RASIP1: variants seen among roughly 807,000 people sequenced by gnomAD.
The protein encoded by RASIP1 is Ras interacting protein 1, also known as ras-interacting protein 1.
A neutral mutation model predicts 85.3 loss-of-function variants in RASIP1; 20 were observed. The ratio of observed to expected loss-of-function variants is 0.23; its 90% CI spans 0.17 to 0.34. The LOEUF is 0.34. RASIP1 is among the 10% of genes least tolerant of loss of function. RASIP1 has a pLI of 1.00. For missense variants in RASIP1, 1,170 were observed against 1,390.9 expected, an observed-to-expected ratio of 0.84 and a Z score of 2.53; for synonymous variants, 617 against 647.1, an observed-to-expected ratio of 0.95 and a Z score of 0.71.
intron 11 of RASIP1, among the ~76,000 whole-genome samples, chr19:48,721,198 G>A (rs1377965707): frequency 6.6e-6 from 1 of 152,176 alleles, no homozygotes; most frequent in African/African-American, 2.4e-5. Flanking sequence ...GAAGGCCACC[G>A]TTGCCTGGGA....
intron 10 of RASIP1, among the ~76,000 whole-genome samples, chr19:48,723,757 T>A (rs1161936988): frequency 6.6e-6 from 1 of 151,120 alleles, no homozygotes; most frequent in Non-Finnish European, 1.5e-5. Context: ...CTTTGTCTCA[T>A]ACCACACTTT....
At position 48,720,996 on chromosome 19, in the gene RASIP1, C is replaced by T. The variant is rs2122403838; in HGVS notation, c.2694G>A (p.Gly898=). The stretch of plus-strand genomic sequence containing the variant: ...GCGAGGAGAAGCTTTCGAAGATGTC[C>T]CCTGTGAGGCCGAAGGCGGCGCGGT... ...PPAEREAVDT[G]DIFESFSSHP... The change falls in exon 12 of 12, where the codon GGG becomes GGA. Residue 898 remains glycine, a splice_region_variant and synonymous_variant. Coordinates refer to ENST00000222145, the MANE Select transcript of RASIP1 (RefSeq NM_017805.3). 1 of 1,592,708 alleles carries T rather than the reference C, an allele frequency of 6.3e-7. No homozygotes were observed.
chr19:48,734,636 C>T (rs1449186335), intron 4 of RASIP1, among the ~76,000 whole-genome samples: 2 of 152,024 alleles, frequency 1.3e-5, no homozygotes, highest in Admixed American at 6.6e-5. Context: ...TACAGGCGTG[C>T]GCCACCACAC....
chr19:48,740,535 G>T lies in RASIP1; in HGVS notation c.-19C>A. ...CTGGCTCTTACCCTGCTTCGGGTCC[G>T]GCACACCCGGAGGCCCTGGCTCCAC... On this transcript the variant is annotated 5_prime_UTR_variant, in exon 1 of 12. Coordinates refer to ENST00000222145, the MANE Select transcript of RASIP1 (RefSeq NM_017805.3). This position sits in a 1 kb window ranked among gnomAD's most constrained non-coding sequence, Gnocchi z 5.5. The T allele has an allele frequency of 7.2e-7, 1 of 1,386,366 alleles. No individual in the cohort carries two copies. The highest frequency in any genetic ancestry group is 9.3e-7 in the Non-Finnish European group (1 of 1,076,906). The allele number at this position is 1,386,366 out of a possible 1,614,324, so 85.9% of individuals were successfully genotyped here.
At chr19:48,732,511 C>T (rs1053221422) in intron 4 of RASIP1, among the ~76,000 whole-genome samples, 6 of 152,064 alleles carry the variant, frequency 3.9e-5, no homozygotes, top group African/African-American at 1.2e-4. Flanking sequence ...GCCTCAGCCT[C>T]CCAAAGTGCT....
rs74591809 is a variant in RASIP1 at position 48,737,434 on chromosome 19, G to C, written c.823+1526C>G. ...TGCCAGGCGCGGTCCACCACCAGCT[G>C]TTTGACCATTGACTCTACCTTCTGT... is the stretch of plus-strand genomic sequence containing the variant. On this transcript the variant is annotated intron_variant, in intron 3 of 11. Coordinates refer to ENST00000222145, the MANE Select transcript of RASIP1 (RefSeq NM_017805.3). 5,538 of 984,576 alleles carry C rather than the reference G, an allele frequency of 5.6e-3. 231 individuals are homozygous for C. In the African/African-American group the frequency reaches 0.091, roughly 16 times the overall value. The allele number at this position is 984,576 out of a possible 1,614,324, so 61.0% of individuals were successfully genotyped here.
rs934819262 is a variant in RASIP1, at chr19:48,739,794, G to A, written c.138-149C>T. On this transcript the variant is annotated intron_variant, in intron 2 of 11. Transcript: ENST00000222145. This position sits in a 1 kb window ranked among gnomAD's most constrained non-coding sequence, Gnocchi z 9.2. ...GGATGGACGGGGCGGGGGTGAGGGT[G>A]GGGACAGACGCGAGGCAAAGAGAGA... is the stretch of plus-strand genomic sequence containing the variant. The A allele has an allele frequency of 1.4e-6, 1 of 690,120 alleles. No homozygotes were observed. Among genetic ancestry groups the A allele is most frequent in the Non-Finnish European group, 2.2e-6 (1 of 464,084 alleles). The allele number at this position is 690,120 out of a possible 1,614,324, so 42.7% of individuals were successfully genotyped here.
intron 4 of RASIP1, among the ~76,000 whole-genome samples, chr19:48,733,043 C>T (rs980301991): frequency 6.6e-6 from 1 of 152,148 alleles, no homozygotes; most frequent in African/African-American, 2.4e-5. Context: ...ATGAATATTT[C>T]CAATAACACA....
intron 4 of RASIP1, among the ~76,000 whole-genome samples, chr19:48,734,513 A>G (rs1178853453): frequency 2.2e-5 from 3 of 138,942 alleles, no homozygotes; most frequent in Non-Finnish European, 3.1e-5. Context: ...TTTGAGACAG[A>G]GTCTTGCTCT....
In RASIP1 at chr19:48,735,375, C is replaced by A; in HGVS notation, c.1000G>T (p.Gly334Trp). The A allele has an allele frequency of 6.2e-7, 1 of 1,613,332 alleles. No individual in the cohort carries two copies. The highest frequency in any genetic ancestry group is 8.5e-7 in the Non-Finnish European group (1 of 1,179,854). Residue 334 changes from glycine to tryptophan, a missense_variant, in exon 4 of 12, where the codon GGG becomes TGG. Physicochemically the swap from Gly to Trp is radical, Grantham distance 184. Transcript: ENST00000222145. ...RRSVSELSLQ[G>W]RRRRQQERRQ... is the part of the protein sequence containing the mutation. ...CGCTCCTGCTGCCGCCGCCGCCGCC[C>A]CTGAAGGCTAAGCTCCGACACGCTG...
rs1018540680 is a variant in RASIP1 at position 48,720,862 on chromosome 19, T to C, written c.2828A>G (p.Asp943Gly). 2 of 1,613,818 alleles carry C rather than the reference T, an allele frequency of 1.2e-6. No homozygotes were observed. The highest frequency in any genetic ancestry group is 1.7e-6 in the Non-Finnish European group (2 of 1,180,008). Residue 943 changes from aspartate (D) to glycine (G), a missense_variant, in exon 12 of 12, where the codon GAT (aspartate) becomes GGT (glycine). By Grantham distance (94) the Asp-to-Gly change is moderately conservative. This residue lies in a region of RASIP1 where 144 missense variants were observed against 125.5 expected (regional missense o/e 1.15). Transcript: ENST00000222145. Reference protein sequence around the residue: ...ELRRLRRLLWDLEQQELPANY... With the variant: ...ELRRLRRLLWGLEQQELPANY... ...GGCTGGCAGCTCCTGCTGCTCAAGA[T>C]CCCAGAGGAGGCGGCGGAGCCTACG...
At chr19:48,732,048 C>T (rs1424604370) in intron 4 of RASIP1, among the ~76,000 whole-genome samples, 2 of 146,248 alleles carry the variant, frequency 1.4e-5, no homozygotes, top group African/African-American at 5.0e-5. Context: ...CAAATGAAAC[C>T]TTTTTTTTTT....
chr19:48,727,526 A>G, intron 5 of RASIP1, 96 bp from the exon 6 acceptor site: 2 of 1,315,774 alleles, frequency 1.5e-6, no homozygotes, highest in Non-Finnish European at 2.2e-6. Context: ...ACTCTCATAG[A>G]GACTGGTCCT....
At chr19:48,728,494 G>A (rs1443453822) in intron 5 of RASIP1, among the ~76,000 whole-genome samples, 13 of 152,154 alleles carry the variant, frequency 8.5e-5, no homozygotes, top group Non-Finnish European at 1.9e-4. Context: ...CACCGGGTGT[G>A]GTGGCTCACA....
intron 3 of RASIP1, among the ~76,000 whole-genome samples, chr19:48,736,346 T>C (rs1599748006): frequency 1.3e-5 from 2 of 151,738 alleles, no homozygotes; most frequent in South Asian, 4.2e-4. Flanking sequence ...GAGCTTGCAG[T>C]GAGCCGAGAT....
At chr19:48,725,884 C>G (rs921444216) in intron 8 of RASIP1, among the ~76,000 whole-genome samples, 9 of 151,924 alleles carry the variant, frequency 5.9e-5, no homozygotes, top group African/African-American at 2.2e-4. Context: ...GTAGTGAGGT[C>G]AGCCTGTCAA....
In RASIP1 at chr19:48,729,189, C is replaced by A. The variant is rs2122443024; in HGVS notation, c.1581G>T (p.Leu527=). The A allele has an allele frequency of 1.6e-6, 2 of 1,283,912 alleles. No individual in the cohort carries two copies. The highest frequency in any genetic ancestry group is 1.6e-5 in the African/African-American group (1 of 62,698). The allele number at this position is 1,283,912 out of a possible 1,614,324, so 79.5% of individuals were successfully genotyped here. A position where few individuals can be genotyped will look rare whatever the true frequency, so the allele number is the denominator to read the frequency against. The part of the protein sequence containing the change: ...AFSCRLCGRG[L]QERGEALAAY... ...CGGCCAGTGCCTCGCCGCGCTCCTG[C>A]AGGCCGCGGCCGCACAGGCGACAGG... The change falls in exon 5 of 12, where the codon CTG becomes CTT. Residue 527 remains leucine, a synonymous_variant. Transcript: ENST00000222145.
chr19:48,731,167 G>C (rs745324279), intron 4 of RASIP1, among the ~76,000 whole-genome samples: 1 of 152,152 alleles, frequency 6.6e-6, no homozygotes, highest in Admixed American at 6.5e-5. Context: ...CCAGCTACTC[G>C]GGAGGCTGAG....
In RASIP1 at chr19:48,739,353, G is replaced by T; in HGVS notation, c.430C>A (p.Pro144Thr). 3.0e-6 allele frequency: 4 copies of T among 1,346,410 alleles called. No homozygotes were observed. The highest frequency in any genetic ancestry group is 3.8e-6 in the Non-Finnish European group (4 of 1,053,704). 83.4% of individuals were successfully genotyped at this position (1,346,410 alleles called of 1,614,324 possible). The change falls in exon 3 of 12, where the codon CCT becomes ACT. Residue 144 changes from proline (P) to threonine (T), a missense_variant. By Grantham distance (38) the Pro-to-Thr change is conservative (BLOSUM62 -1). Coordinates refer to ENST00000222145, the MANE Select transcript of RASIP1 (RefSeq NM_017805.3). This position sits in a 1 kb window ranked among gnomAD's most constrained non-coding sequence, Gnocchi z 9.2. ...CCGAAGATCTTGAGGACCCCCGGAG[G>T]CGCCGTGGCGCGGGTAGCCAGCGGG... The part of the protein sequence containing the change: ...EPPLATRATA[P>T]PGVLKIFGAG...
Sources: gnomAD v4.1 joint callset for allele counts (sites outside exome capture counted in the v4.1 genomes callset) on GRCh38, gnomAD v4.1.1 for gene constraint, gnomAD v4.1.1 regional missense constraint, Gnocchi (gnomAD v3.1) non-coding constraint, MANE v1.5 for transcripts, NCBI Gene and HGNC (gene_info 2026-07-23, HGNC 2026-07-21) for gene names.